The following OR51B5 variants were observed in gnomAD, a reference collection of about 807,000 sequenced individuals.
OR51B5 encodes the protein olfactory receptor family 51 subfamily B member 5.
For synonymous variants in OR51B5, 186 were observed against 144.8 expected, an observed-to-expected ratio of 1.28 and a Z score of -2.04; for missense variants, 456 against 374.6, an observed-to-expected ratio of 1.22 and a Z score of -1.79.
At chr11:5,360,609 A>G (rs1225732271) in intron 1 of OR51B5, among the ~76,000 whole-genome samples, 2 of 152,146 alleles carry the variant, frequency 1.3e-5, no homozygotes, top group Non-Finnish European at 2.9e-5. Flanking sequence ...TAGAACTAGA[A>G]ATACCATTTG....
chr11:5,488,266 C>G (rs1387422729), intron 1 of OR51B5, among the ~76,000 whole-genome samples: 1 of 152,010 alleles, frequency 6.6e-6, no homozygotes, highest in Non-Finnish European at 1.5e-5. Context: ...CTCTGGGAAG[C>G]AGGGAAACTT....
intron 1 of OR51B5, among the ~76,000 whole-genome samples, chr11:5,349,358 C>T (rs1258535165): frequency 6.6e-6 from 1 of 152,010 alleles, no homozygotes; most frequent in Non-Finnish European, 1.5e-5. Context: ...TTGTTCCATA[C>T]ATTTGTTTCT....
intron 1 of OR51B5, among the ~76,000 whole-genome samples, chr11:5,439,207 G>T (rs960758928): frequency 1.3e-5 from 2 of 152,092 alleles, no homozygotes; most frequent in East Asian, 1.9e-4. Flanking sequence ...CAGGAGGTAG[G>T]AATTGAGGGA....
intron 1 of OR51B5, among the ~76,000 whole-genome samples, chr11:5,477,257 C>A (rs1399574713): frequency 1.3e-5 from 2 of 151,928 alleles, no homozygotes; most frequent in Non-Finnish European, 2.9e-5. Context: ...CAGCCAATAA[C>A]CACATCTGGA....
At chr11:5,417,256 C>A (rs964701282) in intron 1 of OR51B5, among the ~76,000 whole-genome samples, 8 of 148,244 alleles carry the variant, frequency 5.4e-5, no homozygotes, top group African/African-American at 2.0e-4. Context: ...CCCTTCCTTA[C>A]ACCTTATACA....
intron 1 of OR51B5, among the ~76,000 whole-genome samples, chr11:5,361,008 G>GGGGA (rs1849276128): frequency 3.4e-5 from 5 of 146,804 alleles, no homozygotes; most frequent in Admixed American, 6.8e-5. Context: ...GGGTCGGGGG[G>GGGGA]AGGGATAGCA....
At chr11:5,462,079 G>C (rs1049333988) in intron 1 of OR51B5, among the ~76,000 whole-genome samples, 1 of 152,154 alleles carries the variant, frequency 6.6e-6, no homozygotes, top group Non-Finnish European at 1.5e-5. Context: ...ATCAAATACT[G>C]AACATAGGTT....
intron 1 of OR51B5, among the ~76,000 whole-genome samples, chr11:5,497,190 T>C (rs1851663336): frequency 6.6e-6 from 1 of 152,224 alleles, no homozygotes; most frequent in South Asian, 2.1e-4. Flanking sequence ...TACTTTTAAG[T>C]GCTGGTACAT....
chr11:5,401,292 A>T (rs893952306), intron 1 of OR51B5, among the ~76,000 whole-genome samples: 5 of 152,234 alleles, frequency 3.3e-5, no homozygotes, highest in African/African-American at 1.2e-4. Flanking sequence ...AGAACTGTTG[A>T]GTCAACAGAT....
chr11:5,340,595 T>TA (rs1475009441), downstream of OR51B5: 1 of 151,426 alleles, frequency 6.6e-6, no homozygotes, highest in East Asian at 1.9e-4. Context: ...ATTTTTGGAG[T>TA]AGAAGGAGGA....
At chr11:5,358,022 G>A (rs78529876) in intron 1 of OR51B5, among the ~76,000 whole-genome samples, 40,166 of 150,826 alleles carry the variant, frequency 0.27, 5,603 homozygotes, top group African/African-American at 0.32. Context: ...AGCACTAAAC[G>A]CCCAGAAGAG....
chr11:5,407,994 CAAT>C (rs1850085040), intron 1 of OR51B5, among the ~76,000 whole-genome samples: 1 of 152,068 alleles, frequency 6.6e-6, no homozygotes, highest in South Asian at 2.1e-4. Flanking sequence ...GTCTATATTT[CAAT>C]AATTCTGGCT....
At chr11:5,417,458 A>G (rs1850260835) in intron 1 of OR51B5, among the ~76,000 whole-genome samples, 1 of 151,704 alleles carries the variant, frequency 6.6e-6, no homozygotes. Context: ...TCTTCTGCGC[A>G]GCAAAAGAAA....
intron 1 of OR51B5, among the ~76,000 whole-genome samples, chr11:5,393,634 T>G (rs575034312): frequency 6.6e-6 from 1 of 152,264 alleles, no homozygotes; most frequent in South Asian, 2.1e-4. Flanking sequence ...TCATGATAAA[T>G]GCTAATGTTT....
chr11:5,470,762 C>T (rs964219429), intron 1 of OR51B5, among the ~76,000 whole-genome samples: 2 of 152,184 alleles, frequency 1.3e-5, no homozygotes, highest in African/African-American at 2.4e-5. Flanking sequence ...ATTAATCCAT[C>T]GTAAACGCTG....
At chr11:5,503,946 G>A (rs992696638) in intron 1 of OR51B5, among the ~76,000 whole-genome samples, 1 of 152,132 alleles carries the variant, frequency 6.6e-6, no homozygotes, top group Non-Finnish European at 1.5e-5. Flanking sequence ...AGCTTTAAGT[G>A]ATGTACTTCC....
intron 1 of OR51B5, among the ~76,000 whole-genome samples, chr11:5,438,059 G>GA (rs749429866): frequency 7.2e-5 from 11 of 152,084 alleles, no homozygotes; most frequent in East Asian, 3.9e-4. Flanking sequence ...TATGCGTTGG[G>GA]AACCAGGAGA....
chr11:5,414,350 C>T (rs11037356), intron 1 of OR51B5, among the ~76,000 whole-genome samples: 1 of 135,276 alleles, frequency 7.4e-6, no homozygotes, highest in Admixed American at 7.5e-5. Context: ...AAAGACCATT[C>T]AGACTAGGAA....
intron 1 of OR51B5, among the ~76,000 whole-genome samples, chr11:5,492,093 A>T (rs1364508650): frequency 6.6e-6 from 1 of 151,640 alleles, no homozygotes; most frequent in Non-Finnish European, 1.5e-5. Context: ...GCTGAGGGAG[A>T]CTCTCTTAAT....
Sources: allele counts gnomAD v4.1 joint callset (sites outside exome capture counted in the v4.1 genomes callset), GRCh38; gene constraint gnomAD v4.1.1; transcripts MANE v1.5; gene names NCBI Gene and HGNC (gene_info 2026-07-23, HGNC 2026-07-21).